The following CDH4 variants were observed in gnomAD, a reference collection of about 807,000 sequenced individuals.
CDH4 encodes the protein cadherin 4.
In CDH4, 33 loss-of-function variants were observed where a neutral mutation model predicts 86.0. That is an observed-to-expected ratio of 0.38 (90% CI 0.29 to 0.51). CDH4 has a LOEUF of 0.51. Among genes scored for constraint, CDH4 ranks in the 20% least tolerant of loss-of-function variants. CDH4 has a pLI of 0.86. For missense variants in CDH4, 1,114 were observed against 1,307.4 expected (o/e 0.85, Z 2.28); for synonymous variants, 555 against 549.4 (o/e 1.01, Z -0.14).
chr20:61,559,399 G>A (rs948855481), intron 2 of CDH4, among the ~76,000 whole-genome samples: 1 of 152,114 alleles, frequency 6.6e-6, no homozygotes, highest in Non-Finnish European at 1.5e-5. Context: ...CCGAAGGGGA[G>A]GACCTCCGGG....
intron 2 of CDH4, among the ~76,000 whole-genome samples, chr20:61,311,916 G>A (rs1367391422): frequency 6.6e-6 from 1 of 152,282 alleles, no homozygotes; most frequent in Non-Finnish European, 1.5e-5. Flanking sequence ...ATCCACACCT[G>A]TTCCTCCTGT....
intron 2 of CDH4, among the ~76,000 whole-genome samples, chr20:61,442,404 T>TAGG (rs1360360533): frequency 7.7e-6 from 1 of 129,836 alleles, no homozygotes; most frequent in Non-Finnish European, 1.7e-5. Context: ...CCATATCGCT[T>TAGG]ATGCTCATCA....
chr20:61,856,395 A>G (rs914375318), intron 6 of CDH4, among the ~76,000 whole-genome samples: 2 of 121,688 alleles, frequency 1.6e-5, no homozygotes, highest in African/African-American at 6.3e-5. Flanking sequence ...GCCCCCCGGG[A>G]TTCACAAGAG....
chr20:61,555,122 T>C (rs923895148), intron 2 of CDH4, among the ~76,000 whole-genome samples: 2 of 152,218 alleles, frequency 1.3e-5, no homozygotes, highest in African/African-American at 4.8e-5. Context: ...TGTGTGTGTG[T>C]ATGTGAACAT....
At chr20:61,753,733 C>G (rs1273469484) in intron 3 of CDH4, among the ~76,000 whole-genome samples, 1 of 152,344 alleles carries the variant, frequency 6.6e-6, no homozygotes, top group South Asian at 2.1e-4. Context: ...ATTGTATCTT[C>G]TAGCACACGT....
intron 2 of CDH4, among the ~76,000 whole-genome samples, chr20:61,327,464 A>G (rs2084542842): frequency 6.6e-6 from 1 of 152,232 alleles, no homozygotes; most frequent in African/African-American, 2.4e-5. Context: ...CAGTTTTAAA[A>G]GATACTCACA....
intron 2 of CDH4, among the ~76,000 whole-genome samples, chr20:61,514,831 G>C (rs1210751884): frequency 6.6e-6 from 1 of 152,248 alleles, no homozygotes; most frequent in Non-Finnish European, 1.5e-5. Flanking sequence ...GGAATTGTGG[G>C]CAGGAGGATT....
chr20:61,744,150 C>T (rs2088380298), intron 3 of CDH4, among the ~76,000 whole-genome samples: 1 of 152,180 alleles, frequency 6.6e-6, no homozygotes, highest in Non-Finnish European at 1.5e-5. Context: ...GTCCACCAGG[C>T]CCAGGGCGTT....
chr20:61,757,519 G>A (rs936999070), intron 3 of CDH4, among the ~76,000 whole-genome samples: 2 of 152,222 alleles, frequency 1.3e-5, no homozygotes, highest in Non-Finnish European at 2.9e-5. Context: ...CAGCTGCAGG[G>A]GCGGCCCCAG....
chr20:61,439,130 T>G (rs1235282078), intron 2 of CDH4, among the ~76,000 whole-genome samples: 1 of 152,192 alleles, frequency 6.6e-6, no homozygotes, highest in Non-Finnish European at 1.5e-5. Context: ...ATAGTTTGAT[T>G]TTTTGTCAAA....
chr20:61,580,190 C>T (rs1250018363), intron 2 of CDH4, among the ~76,000 whole-genome samples: 1 of 152,030 alleles, frequency 6.6e-6, no homozygotes, highest in African/African-American at 2.4e-5. Context: ...CGCAGTGGCT[C>T]ACACCTGTAA....
chr20:61,570,456 G>T lies in CDH4; in HGVS notation c.170-173107G>T, dbSNP rs116397972. 1.4e-5 allele frequency: 8 copies of T among 553,002 alleles called. No individual in the cohort carries two copies. In the South Asian group the frequency reaches 1.8e-4, roughly 12 times the overall value. The allele number at this position is 553,002 out of a possible 1,614,324, so 34.3% of individuals were successfully genotyped here. On this transcript the variant is annotated intron_variant, in intron 2 of 15. Coordinates refer to ENST00000614565, the MANE Select transcript of CDH4 (RefSeq NM_001794.5). ...CCTGGTGCTGCCTTGAGCTTGACCC[G>T]AATTGCTTCTTCCCAGAGGCTGGGT...
chr20:61,321,324 G>A (rs1237285363), intron 2 of CDH4, among the ~76,000 whole-genome samples: 2 of 152,120 alleles, frequency 1.3e-5, no homozygotes, highest in Non-Finnish European at 2.9e-5. Flanking sequence ...AGGAGGCGAG[G>A]CAGGTTCTGC....
intron 9 of CDH4, among the ~76,000 whole-genome samples, chr20:61,916,011 TG>T (rs1480842048): frequency 1.3e-5 from 2 of 152,378 alleles, no homozygotes; most frequent in East Asian, 1.9e-4. Flanking sequence ...CTTTCATTTT[TG>T]TTCTTACTCC....
rs1206910539 is a variant in CDH4, at chr20:61,703,002, A to G, written c.170-40561A>G. Among the ~76,000 whole-genome samples, 1 of 152,094 alleles carries G rather than the reference A, an allele frequency of 6.6e-6. No individual in the cohort carries two copies. The highest frequency in any genetic ancestry group is 1.5e-5 in the Non-Finnish European group (1 of 68,030). On this transcript the variant is annotated intron_variant, in intron 2 of 15. Coordinates refer to ENST00000614565, the MANE Select transcript of CDH4 (RefSeq NM_001794.5). The surrounding 1 kb of genome is among the most constrained non-coding windows in gnomAD (Gnocchi z 4.3). ...CTGAGGGTGTGAAGACTTCCTCAAC[A>G]AGCCTTTCTTCATCTCACTCTGCGT...
rs963092928 is a variant in CDH4, at chr20:61,480,267, C to T, written c.169+225330C>T. On this transcript the variant is annotated intron_variant, in intron 2 of 15. Transcript: ENST00000614565. This position sits in a 1 kb window ranked among gnomAD's most constrained non-coding sequence, Gnocchi z 5.2. ...CCCCTCTCGTGGTAGCCTGGAAACTCCCCAAGCGGAAGCCGGGGCAGCTGT... is the reference window on the plus strand; with the variant it reads ...CCCCTCTCGTGGTAGCCTGGAAACTTCCCAAGCGGAAGCCGGGGCAGCTGT... Among the ~76,000 whole-genome samples the T allele has an allele frequency of 1.1e-4, 17 of 152,278 alleles. No individual in the cohort carries two copies. Among genetic ancestry groups the T allele is most frequent in the African/African-American group, 3.4e-4 (14 of 41,566 alleles).
intron 2 of CDH4, among the ~76,000 whole-genome samples, chr20:61,621,556 A>C (rs750798023): frequency 2.0e-5 from 3 of 152,220 alleles, no homozygotes; most frequent in Non-Finnish European, 4.4e-5. Flanking sequence ...CAGGGCTTTC[A>C]TCACCGTCCT....
chr20:61,383,225 TATATATATGA>T (rs1568822292), intron 2 of CDH4, among the ~76,000 whole-genome samples: 3 of 77,250 alleles, frequency 3.9e-5, no homozygotes, highest in East Asian at 3.1e-4. Context: ...ATGAATATAT[TATATATATGA>T]ATATATATGA....
At chr20:61,331,603 C>A (rs112668157) in intron 2 of CDH4, among the ~76,000 whole-genome samples, 1 of 151,254 alleles carries the variant, frequency 6.6e-6, no homozygotes, top group Admixed American at 6.6e-5. Context: ...CCTCCTGCCC[C>A]GGCCACCTGC....
Sources: allele counts gnomAD v4.1 joint callset (sites outside exome capture counted in the v4.1 genomes callset), GRCh38; gene constraint gnomAD v4.1.1; non-coding constraint Gnocchi (gnomAD v3.1); transcripts MANE v1.5; gene names NCBI Gene and HGNC (gene_info 2026-07-23, HGNC 2026-07-21).